Variants in DCLK3 observed in about 807,000 individuals in gnomAD.
DCLK3 encodes doublecortin like kinase 3.
Under a neutral mutation model 46.4 loss-of-function variants are expected in DCLK3, and 30 were observed. The ratio of observed to expected loss-of-function variants is 0.65; its 90% CI spans 0.48 to 0.88. The LOEUF is 0.88. Among genes scored for constraint, DCLK3 ranks in the 40% least tolerant of loss-of-function variants. The pLI is 0.00. For missense variants in DCLK3, 846 were observed against 907.1 expected (o/e 0.93, Z 0.87); for synonymous variants, 401 against 339.2 (o/e 1.18, Z -2.00).
At chr3:36,721,494 C>A in intron 3 of DCLK3, 33 bp downstream of exon 3, 2 of 1,606,890 alleles carry the variant, frequency 1.2e-6, no homozygotes, top group Non-Finnish European at 1.7e-6. Context: ...AGTAAGGGAA[C>A]TAGAGTCCCA....
At chr3:36,723,832 C>G (rs1285419712) in intron 2 of DCLK3, among the ~76,000 whole-genome samples, 4 of 152,198 alleles carry the variant, frequency 2.6e-5, no homozygotes, top group Non-Finnish European at 5.9e-5. Context: ...TAGGGCAGTG[C>G]AGAAGGGAAA....
At position 36,715,426 on chromosome 3, in the gene DCLK3, C is replaced by G. The variant is rs1177013390; in HGVS notation, c.2356G>C (p.Gly786Arg). Reference sequence around the variant, plus strand: ...TGTCGTTTCACTGTATTGGTCTTGCCAGCTGTTTCGATCCAGGGGTGCTGA... The same window carrying G: ...TGTCGTTTCACTGTATTGGTCTTGCGAGCTGTTTCGATCCAGGGGTGCTGA... ...VLQHPWIETAGKTNTVKRQKQ... is the reference protein window; with the variant it reads ...VLQHPWIETARKTNTVKRQKQ... The change falls in exon 5 of 5, where the codon GGC (glycine) becomes CGC (arginine). Residue 786 changes from glycine to arginine, a missense_variant. Around this residue, in one of 3 missense-constraint regions of DCLK3, gnomAD observed 46 missense variants for 41.3 expected, o/e 1.11. Coordinates refer to ENST00000636136, the MANE Select transcript of DCLK3 (RefSeq NM_001394672.2). 1.9e-6 allele frequency: 3 copies of G among 1,613,670 alleles called. No homozygotes were observed. Among genetic ancestry groups the G allele is most frequent in the Non-Finnish European group, 1.7e-6 (2 of 1,179,854 alleles).
chr3:36,715,280 T>C lies in DCLK3; in HGVS notation c.*48A>G. ...TTTCTCTCAAACTTCTATCCTTTTC[T>C]CTGTCCTTGAGCAGAACTGGGGGCT... On this transcript the variant is annotated 3_prime_UTR_variant, in exon 5 of 5. Coordinates refer to ENST00000636136, the MANE Select transcript of DCLK3 (RefSeq NM_001394672.2). The C allele has an allele frequency of 6.3e-7, 1 of 1,595,308 alleles. No homozygotes were observed.
At chr3:36,746,645 A>G (rs1359861631) in intron 1 of DCLK3, among the ~76,000 whole-genome samples, 1 of 152,216 alleles carries the variant, frequency 6.6e-6, no homozygotes, top group Admixed American at 6.5e-5. Context: ...ATCCCAGGAC[A>G]TTGGGTTATA....
chr3:36,718,308 G>A (rs1225720700), intron 3 of DCLK3, 131 bp from the exon 4 acceptor site: 2 of 1,258,056 alleles, frequency 1.6e-6, no homozygotes, highest in East Asian at 4.8e-5. Context: ...CAGCAACCAA[G>A]AGCCACTTCC....
Position 36,717,813 on chromosome 3 carries a change from C to T in DCLK3, c.2260+197G>A, listed in dbSNP as rs553378927. Among the ~76,000 whole-genome samples the T allele has an allele frequency of 2.0e-5, 3 of 152,228 alleles. No individual in the cohort carries two copies. In the South Asian group the frequency reaches 6.2e-4, roughly 32 times the overall value. On this transcript the variant is annotated intron_variant, in intron 4 of 4. Transcript: ENST00000636136. Reference sequence around the variant, plus strand: ...TTGGTGACTGTAACTGGTGGTTGGGCTTTTTCACTAAATCTGAAAGCAAGC... The same window carrying T: ...TTGGTGACTGTAACTGGTGGTTGGGTTTTTTCACTAAATCTGAAAGCAAGC...
At chr3:36,727,015 A>G (rs1911663) in intron 2 of DCLK3, among the ~76,000 whole-genome samples, 121,040 of 152,134 alleles carry the variant, frequency 0.8, 48,594 homozygotes, top group Middle Eastern at 0.88. Flanking sequence ...GGCCAGGCAC[A>G]GTGGCTCATG....
intron 2 of DCLK3, among the ~76,000 whole-genome samples, chr3:36,725,594 G>A (rs1000420958): frequency 2.0e-5 from 3 of 152,186 alleles, no homozygotes; most frequent in Non-Finnish European, 2.9e-5. Flanking sequence ...TCCATCCTGA[G>A]CAACAGAGTA....
At chr3:36,746,320 C>T (rs990791109) in intron 1 of DCLK3, among the ~76,000 whole-genome samples, 1 of 152,194 alleles carries the variant, frequency 6.6e-6, no homozygotes, top group Non-Finnish European at 1.5e-5. Flanking sequence ...CTAAGCTACT[C>T]GCAAATTTAA....
intron 1 of DCLK3, among the ~76,000 whole-genome samples, chr3:36,747,484 A>G (rs1701403552): frequency 6.6e-6 from 1 of 151,936 alleles, no homozygotes; most frequent in South Asian, 2.1e-4. Flanking sequence ...ATATATGTAT[A>G]TATATGAGAA....
Position 36,737,594 on chromosome 3 carries a change from A to G in DCLK3, c.1573T>C (p.Tyr525His). Residue 525 changes from tyrosine to histidine, a missense_variant, in exon 2 of 5, where the codon TAT becomes CAT. This residue lies in a region of DCLK3 where 553 missense variants were observed against 543.0 expected (regional missense o/e 1.02). Coordinates refer to ENST00000636136, the MANE Select transcript of DCLK3 (RefSeq NM_001394672.2). This position sits in a 1 kb window ranked among gnomAD's most constrained non-coding sequence, Gnocchi z 4.4. ...GIIAANVEKHYETGRVIGDGN... is the reference protein window; with the variant it reads ...GIIAANVEKHHETGRVIGDGN... ...TCCCCAATGACCCGGCCAGTCTCAT[A>G]ATGCTTTTCCACATTGGCGGCAATG... is the stretch of plus-strand genomic sequence containing the variant. 6.2e-7 allele frequency: 1 copy of G among 1,614,104 alleles called. No homozygotes were observed. Among genetic ancestry groups the G allele is most frequent in the Non-Finnish European group, 8.5e-7 (1 of 1,180,018 alleles).
chr3:36,735,566 G>A (rs555730672), intron 2 of DCLK3, among the ~76,000 whole-genome samples: 2 of 152,292 alleles, frequency 1.3e-5, no homozygotes, highest in East Asian at 1.9e-4. Flanking sequence ...AACTGGGATG[G>A]TGTCCCCAGG....
At chr3:36,742,761 A>T (rs1368526929) in intron 1 of DCLK3, among the ~76,000 whole-genome samples, 1 of 152,202 alleles carries the variant, frequency 6.6e-6, no homozygotes, top group Non-Finnish European at 1.5e-5. Flanking sequence ...TACAGGTAAG[A>T]GGAAAAAAAT....
At chr3:36,729,703 G>A (rs1396921415) in intron 2 of DCLK3, 2 of 152,192 alleles carry the variant, frequency 1.3e-5, no homozygotes, top group African/African-American at 4.8e-5. Flanking sequence ...TAAGGATTAA[G>A]ACATGGATAA....
At chr3:36,745,639 G>A (rs1230419554) in intron 1 of DCLK3, among the ~76,000 whole-genome samples, 3 of 152,056 alleles carry the variant, frequency 2.0e-5, no homozygotes, top group African/African-American at 7.2e-5. Flanking sequence ...ATCACTTGTG[G>A]CCTCAGTATG....
intron 3 of DCLK3, 93 bp downstream of exon 3, chr3:36,721,434 G>A: frequency 6.6e-7 from 1 of 1,505,796 alleles, no homozygotes; most frequent in Non-Finnish European, 9.1e-7. Context: ...AGTTCTCTGA[G>A]ATTTATTCCA....
intron 1 of DCLK3, among the ~76,000 whole-genome samples, chr3:36,756,771 A>AT (rs1263912493): frequency 1.3e-5 from 2 of 151,936 alleles, no homozygotes; most frequent in African/African-American, 4.8e-5. Flanking sequence ...CTGTTAGGGG[A>AT]AATGCCCTGC....
rs77442930 is a variant in DCLK3 at position 36,742,621 on chromosome 3, C to T, written c.83-3537G>A. 7.4e-4 allele frequency among the ~76,000 whole-genome samples: 113 copies of T among 152,356 alleles called. 1 individual carries two copies. The East Asian group carries it at 0.022, about 29-fold the overall frequency. ...GGGTCCTACTGAAATTGCACTTCTT[C>T]TAGCTATGACTGCTTCAAGCTACTG... is the stretch of plus-strand genomic sequence containing the variant. On this transcript the variant is annotated intron_variant, in intron 1 of 4. Transcript: ENST00000636136.
intron 2 of DCLK3, among the ~76,000 whole-genome samples, chr3:36,722,577 CAT>C (rs755342070): frequency 8.5e-5 from 13 of 152,302 alleles, no homozygotes; most frequent in Admixed American, 3.3e-4. Context: ...ACAATTCCCA[CAT>C]GTTGTGAGGG....
Sources: allele counts gnomAD v4.1 joint callset (sites outside exome capture counted in the v4.1 genomes callset), GRCh38; gene constraint gnomAD v4.1.1; regional missense constraint gnomAD v4.1.1; non-coding constraint Gnocchi (gnomAD v3.1); transcripts MANE v1.5; gene names NCBI Gene and HGNC (gene_info 2026-07-23, HGNC 2026-07-21).